VPS37A: variants seen among roughly 807,000 people sequenced by gnomAD.
VPS37A encodes VPS37A subunit of ESCRT-I.
In VPS37A, 30 loss-of-function variants were observed where a neutral mutation model predicts 49.8. The observed-to-expected ratio is 0.60, with a 90% CI of 0.45 to 0.82. The LOEUF (loss-of-function observed/expected upper bound fraction) is 0.82, where lower values mean the gene tolerates loss of function less well. VPS37A is among the 40% of genes least tolerant of loss of function. The probability of loss-of-function intolerance (pLI) is 0.00; values close to 1 mark genes in which losing one functional copy is unlikely to be tolerated. For missense variants in VPS37A, 593 were observed against 464.4 expected (o/e 1.28, Z -2.55); for synonymous variants, 195 against 160.6 (o/e 1.21, Z -1.62).
chr8:17,266,511 C>T (rs912957602), intron 2 of VPS37A, among the ~76,000 whole-genome samples: 1 of 152,128 alleles, frequency 6.6e-6, no homozygotes, highest in African/African-American at 2.4e-5. Context: ...GCTGAAGTAG[C>T]AATTTAGCCT....
At chr8:17,309,581 A>G in the VPS37A span, among the ~76,000 whole-genome samples, 1 of 152,210 alleles carries the variant, frequency 6.6e-6, no homozygotes, top group African/African-American at 2.4e-5. Flanking sequence ...AATGCTTCCT[A>G]TGTGCCAGGC....
chr8:17,321,291 G>T, the VPS37A span, among the ~76,000 whole-genome samples: 2 of 152,312 alleles, frequency 1.3e-5, no homozygotes, highest in East Asian at 1.9e-4. Context: ...AGAATGTCCT[G>T]CCAGAGAGAA....
chr8:17,328,930 T>C, the VPS37A span, among the ~76,000 whole-genome samples: 3 of 152,148 alleles, frequency 2.0e-5, no homozygotes, highest in Non-Finnish European at 4.4e-5. Flanking sequence ...TAAAATTAGA[T>C]CATCTCTATA....
chr8:17,285,440 A>G lies in VPS37A; in HGVS notation c.1113+824A>G, dbSNP rs117272628. On this transcript the variant is annotated intron_variant, in intron 10 of 11. Coordinates refer to ENST00000324849, the MANE Select transcript of VPS37A (RefSeq NM_152415.3). Reference sequence around the variant, plus strand: ...CTGTTCTGATATTTCTGTTGTATTTAAAGAAAAATCCAAAAAAGTCTGCTT... The same window carrying G: ...CTGTTCTGATATTTCTGTTGTATTTGAAGAAAAATCCAAAAAAGTCTGCTT... Among the ~76,000 whole-genome samples, 57 of 152,368 alleles carry G rather than the reference A, an allele frequency of 3.7e-4. No individual in the cohort carries two copies. In the East Asian group the frequency reaches 7.7e-3, roughly 21 times the overall value.
rs1216269648 is a variant in VPS37A, at chr8:17,297,278, C to T, written c.*2292C>T. The T allele has an allele frequency of 6.6e-6, 1 of 151,990 alleles. No individual in the cohort carries two copies. The highest frequency in any genetic ancestry group is 1.5e-5 in the Non-Finnish European group (1 of 67,948). The allele number at this position is 151,990 out of a possible 1,614,324, so 9.4% of individuals were successfully genotyped here. ...AAATAGAAGAAAATTCTAAATCAAT[C>T]AATCAGTGAGATATAAACTAAACAG... On this transcript the variant is annotated 3_prime_UTR_variant, in exon 12 of 12. Coordinates refer to ENST00000324849, the MANE Select transcript of VPS37A (RefSeq NM_152415.3).
chr8:17,313,151 G>C, the VPS37A span: 8 of 531,466 alleles, frequency 1.5e-5, no homozygotes, highest in Admixed American at 3.1e-5. Context: ...TCAGCGCACA[G>C]ACTACGGAGC....
At chr8:17,275,678 G>C (rs1242238403) in intron 5 of VPS37A, among the ~76,000 whole-genome samples, 5 of 152,112 alleles carry the variant, frequency 3.3e-5, no homozygotes, top group South Asian at 2.1e-4. Context: ...CTGAAGGAGA[G>C]ACTAATACTT....
chr8:17,280,508 T>G, intron 9 of VPS37A, 65 bp downstream of exon 9: 1 of 1,401,272 alleles, frequency 7.1e-7, no homozygotes, highest in Middle Eastern at 2.4e-4. Context: ...GCATGAGTCC[T>G]GATCTCACTT....
At chr8:17,262,898 T>C (rs1405574018) in intron 1 of VPS37A, among the ~76,000 whole-genome samples, 1 of 151,790 alleles carries the variant, frequency 6.6e-6, no homozygotes, top group Non-Finnish European at 1.5e-5. Flanking sequence ...CCGTCTCTAC[T>C]AAAAATACAA....
At chr8:17,282,884 G>T (rs1461296110) in intron 9 of VPS37A, among the ~76,000 whole-genome samples, 1 of 152,158 alleles carries the variant, frequency 6.6e-6, no homozygotes, top group Non-Finnish European at 1.5e-5. Flanking sequence ...TTCCGTGATG[G>T]AGGAATCTGT....
intron 4 of VPS37A, among the ~76,000 whole-genome samples, chr8:17,274,173 A>C (rs1317552795): frequency 2.0e-5 from 3 of 152,238 alleles, no homozygotes; most frequent in African/African-American, 7.2e-5. Flanking sequence ...TTGAATCCAA[A>C]GTACATAATG....
intron 1 of VPS37A, among the ~76,000 whole-genome samples, chr8:17,256,862 G>C (rs1038847238): frequency 6.6e-6 from 1 of 152,198 alleles, no homozygotes; most frequent in East Asian, 1.9e-4. Context: ...ATGTTGGTCA[G>C]GCTGGTCTCA....
At chr8:17,311,847 G>A in the VPS37A span, 4 of 646,748 alleles carry the variant, frequency 6.2e-6, no homozygotes, top group African/African-American at 7.3e-5. Context: ...ATTCTATCCA[G>A]AAGCCACCAC....
chr8:17,276,595 C>T, intron 6 of VPS37A, 128 bp downstream of exon 6: 4 of 895,600 alleles, frequency 4.5e-6, no homozygotes, highest in Non-Finnish European at 6.6e-6. Context: ...TTGTTGTTGC[C>T]TTAGTGGGAT....
chr8:17,300,257 T>C (rs749102198), downstream of VPS37A: 12 of 1,574,166 alleles, frequency 7.6e-6, no homozygotes, highest in Admixed American at 1.9e-5. Flanking sequence ...AGGGGAAAAA[T>C]CATAAATAAC....
chr8:17,309,754 C>A, the VPS37A span, among the ~76,000 whole-genome samples: 1 of 152,190 alleles, frequency 6.6e-6, no homozygotes, highest in Admixed American at 6.5e-5. Flanking sequence ...CAAACCCTAT[C>A]TCAACCAATG....
At chr8:17,318,123 C>G in the VPS37A span, among the ~76,000 whole-genome samples, 1 of 152,230 alleles carries the variant, frequency 6.6e-6, no homozygotes, top group Admixed American at 6.5e-5. Flanking sequence ...TCTGCCTGGA[C>G]CCTGCATGAG....
the VPS37A span, among the ~76,000 whole-genome samples, chr8:17,327,887 T>G: frequency 6.6e-6 from 1 of 152,246 alleles, no homozygotes; most frequent in Admixed American, 6.5e-5. Flanking sequence ...TAAAAAATTA[T>G]GCTTTTTCAT....
At chr8:17,331,020 CTG>C in the VPS37A span, 5 of 1,123,470 alleles carry the variant, frequency 4.5e-6, no homozygotes, top group Admixed American at 8.3e-5. Flanking sequence ...TAAAAAGCCA[CTG>C]TAACATGATA....
Sources: gnomAD v4.1 joint callset for allele counts (sites outside exome capture counted in the v4.1 genomes callset) on GRCh38, gnomAD v4.1.1 for gene constraint, MANE v1.5 for transcripts, NCBI Gene and HGNC (gene_info 2026-07-23, HGNC 2026-07-21) for gene names.